Variants in AGO2 observed in about 807,000 individuals in gnomAD.
AGO2 encodes protein argonaute-2.
Under a neutral mutation model 102.3 loss-of-function variants are expected in AGO2, and 5 were observed. That is an observed-to-expected ratio of 0.05 (90% CI 0.03 to 0.10). The LOEUF (loss-of-function observed/expected upper bound fraction) is 0.10, where lower values mean the gene tolerates loss of function less well. AGO2 is among the 10% of genes least tolerant of loss of function. The pLI, the probability that AGO2 is intolerant of heterozygous loss-of-function variation, is 1.00. For missense variants in AGO2, 541 were observed against 1,183.7 expected, an observed-to-expected ratio of 0.46 and a Z score of 7.97; for synonymous variants, 449 against 473.1, an observed-to-expected ratio of 0.95 and a Z score of 0.66.
chr8:140,600,975 C>T (rs935353552), intron 1 of AGO2, among the ~76,000 whole-genome samples: 21 of 152,274 alleles, frequency 1.4e-4, no homozygotes, highest in Middle Eastern at 3.4e-3. Context: ...AATCTGTCCA[C>T]TTCACCTCCA....
At chr8:140,639,661 T>C (rs933091185), upstream of AGO2, among the ~76,000 whole-genome samples, 2 of 152,032 alleles carry the variant, frequency 1.3e-5, no homozygotes, top group Non-Finnish European at 2.9e-5. Flanking sequence ...TAGTCCCAGC[T>C]ACTCAGGAGA....
chr8:140,577,361 G>C (rs1277045974), intron 2 of AGO2, among the ~76,000 whole-genome samples: 2 of 152,178 alleles, frequency 1.3e-5, no homozygotes, highest in Non-Finnish European at 2.9e-5. Context: ...GTTTGCCTTG[G>C]GGCAAGGGAC....
intron 1 of AGO2, among the ~76,000 whole-genome samples, chr8:140,598,964 C>T (rs2073889393): frequency 2.6e-5 from 4 of 152,210 alleles, no homozygotes; most frequent in South Asian, 4.1e-4. Flanking sequence ...ACAGAGGCCA[C>T]TTTCTCCAAA....
At chr8:140,550,485 T>C (rs1393314175) in intron 11 of AGO2, among the ~76,000 whole-genome samples, 1 of 152,138 alleles carries the variant, frequency 6.6e-6, no homozygotes, top group Non-Finnish European at 1.5e-5. Flanking sequence ...CACTTGGGCC[T>C]CCTAGAGGGC....
At chr8:140,640,712 G>A in the AGO2 span, among the ~76,000 whole-genome samples, 1 of 152,018 alleles carries the variant, frequency 6.6e-6, no homozygotes, top group African/African-American at 2.4e-5. Flanking sequence ...GTAGAGACGG[G>A]GTTTCACCAT....
intron 13 of AGO2, 49 bp from the exon 14 acceptor site, chr8:140,544,352 T>G: frequency 1.3e-6 from 2 of 1,506,876 alleles, no homozygotes; most frequent in Non-Finnish European, 1.8e-6. Context: ...CGCCTGGACC[T>G]CTGACGCTAG....
intron 1 of AGO2, among the ~76,000 whole-genome samples, chr8:140,600,628 C>T (rs890877920): frequency 7.3e-5 from 11 of 151,224 alleles, no homozygotes; most frequent in African/African-American, 2.4e-4. Flanking sequence ...TGCAGTGAGC[C>T]GAGATTGCAC....
chr8:140,581,446 G>A (rs980784612), intron 2 of AGO2, among the ~76,000 whole-genome samples: 20 of 152,286 alleles, frequency 1.3e-4, no homozygotes, highest in Middle Eastern at 6.8e-3. Context: ...TTGAACCCAG[G>A]AGGTGAAGGT....
upstream of AGO2, among the ~76,000 whole-genome samples, chr8:140,639,774 GAAACA>G (rs1001724119): frequency 2.9e-4 from 44 of 152,154 alleles, no homozygotes; most frequent in Non-Finnish European, 7.4e-5. Flanking sequence ...CCCTGTTTCA[GAAACA>G]AAACAAAAAC....
chr8:140,585,067 T>A, intron 2 of AGO2, 52 bp downstream of exon 2: 3 of 1,516,976 alleles, frequency 2.0e-6, no homozygotes, highest in Non-Finnish European at 2.7e-6. Context: ...TTAAATGCCG[T>A]GTCTGTCCGC....
rs568301557 is a variant in AGO2 at position 140,608,269 on chromosome 8, C to T, written c.23-22958G>A. Among the ~76,000 whole-genome samples the T allele has an allele frequency of 3.3e-5, 5 of 152,350 alleles. No homozygotes were observed. The South Asian group carries it at 8.3e-4, about 25-fold the overall frequency. On this transcript the variant is annotated intron_variant, in intron 1 of 18. Transcript: ENST00000220592. ...ATTCTGCCTTCTCTCCCCTCCAGCA[C>T]GCTCCGGTCTCCTGTCACATCCCCA...
chr8:140,587,395 G>A (rs2073675418), intron 1 of AGO2, among the ~76,000 whole-genome samples: 1 of 152,232 alleles, frequency 6.6e-6, no homozygotes, highest in Admixed American at 6.5e-5. Flanking sequence ...CCAGGCAGAG[G>A]GGCCAGGGAA....
chr8:140,638,864 C>A (rs1270039215), upstream of AGO2, among the ~76,000 whole-genome samples: 2 of 152,220 alleles, frequency 1.3e-5, no homozygotes, highest in African/African-American at 2.4e-5. Flanking sequence ...GCATGAGCCA[C>A]TACACCTGAC....
In AGO2 at chr8:140,540,369, C is replaced by A. The variant is rs2072775688; in HGVS notation, c.2034+795G>T. 1.3e-5 allele frequency among the ~76,000 whole-genome samples: 2 copies of A among 152,198 alleles called. No individual in the cohort carries two copies. Among genetic ancestry groups the A allele is most frequent in the Admixed American group, 1.3e-4 (2 of 15,282 alleles). On this transcript the variant is annotated intron_variant, in intron 15 of 18. Coordinates refer to ENST00000220592, the MANE Select transcript of AGO2 (RefSeq NM_012154.5). This position sits in a 1 kb window ranked among gnomAD's most constrained non-coding sequence, Gnocchi z 5.0. ...ACCCCACTGGGTGGGGCTCCTCCCC[C>A]AACATGCCTGGGGCCGCTTTCTTCT... is the stretch of plus-strand genomic sequence containing the variant.
At chr8:140,639,350 A>G (rs1342969526), upstream of AGO2, among the ~76,000 whole-genome samples, 1 of 152,130 alleles carries the variant, frequency 6.6e-6, no homozygotes, top group Non-Finnish European at 1.5e-5. Flanking sequence ...TTGTGGTGGC[A>G]CGCGCCTGTA....
At chr8:140,627,597 G>A (rs985864134) in intron 1 of AGO2, among the ~76,000 whole-genome samples, 3 of 152,168 alleles carry the variant, frequency 2.0e-5, no homozygotes, top group Non-Finnish European at 4.4e-5. Flanking sequence ...GTTAGGGGCC[G>A]CCTGGGCTCC....
At chr8:140,577,061 A>T (rs1453710433) in intron 2 of AGO2, among the ~76,000 whole-genome samples, 1 of 152,066 alleles carries the variant, frequency 6.6e-6, no homozygotes, top group East Asian at 1.9e-4. Context: ...ACAAAAAATT[A>T]GCTGGACGTG....
intron 2 of AGO2, among the ~76,000 whole-genome samples, chr8:140,582,007 A>G (rs1436028671): frequency 9.2e-5 from 14 of 152,242 alleles, no homozygotes; most frequent in Non-Finnish European, 1.5e-5. Context: ...ACCATTTATA[A>G]TAGCATCCAA....
At chr8:140,584,893 T>C (rs1384617784) in intron 2 of AGO2, among the ~76,000 whole-genome samples, 2 of 152,184 alleles carry the variant, frequency 1.3e-5, no homozygotes, top group Admixed American at 1.3e-4. Flanking sequence ...TATTTCACTA[T>C]CCTGAAACTG....
Sources: allele counts gnomAD v4.1 joint callset (sites outside exome capture counted in the v4.1 genomes callset), GRCh38; gene constraint gnomAD v4.1.1; non-coding constraint Gnocchi (gnomAD v3.1); transcripts MANE v1.5; gene names NCBI Gene and HGNC (gene_info 2026-07-23, HGNC 2026-07-21).